Variants in MAD1L1 observed in about 807,000 individuals in gnomAD.
The protein encoded by MAD1L1 is mitotic arrest deficient 1 like 1.
A neutral mutation model predicts 96.9 loss-of-function variants in MAD1L1; 95 were observed. The observed-to-expected ratio is 0.98, with a 90% CI of 0.83 to 1.16. The LOEUF is 1.16. MAD1L1 is among the 50% of genes most tolerant of loss of function. The pLI, the probability that MAD1L1 is intolerant of heterozygous loss-of-function variation, is 0.00. For missense variants in MAD1L1, 1,007 were observed against 954.4 expected, an observed-to-expected ratio of 1.06 and a Z score of -0.73; for synonymous variants, 473 against 396.6, an observed-to-expected ratio of 1.19 and a Z score of -2.29.
chr7:2,019,274 G>A lies in MAD1L1; in HGVS notation c.1219-4632C>T, dbSNP rs143872533. On this transcript the variant is annotated intron_variant, in intron 12 of 18. Coordinates refer to ENST00000265854, the MANE Select transcript of MAD1L1 (RefSeq NM_001013836.2). ...CCCTGCTGGGACAGAGGCTGGGAGA[G>A]GCAGGAGGCCTCTCTCTGGAACCCT... Among the ~76,000 whole-genome samples the A allele has an allele frequency of 1.3e-3, 193 of 152,314 alleles. 1 individual carries two copies. The highest frequency in any genetic ancestry group is 4.3e-3 in the African/African-American group (180 of 41,572).
intron 14 of MAD1L1, among the ~76,000 whole-genome samples, chr7:1,988,370 C>G (rs1457204692): frequency 6.6e-6 from 1 of 152,332 alleles, no homozygotes; most frequent in Non-Finnish European, 1.5e-5. Context: ...ATCCCCACCA[C>G]AGGGACCTGA....
At chr7:1,981,959 G>A (rs927691532) in intron 14 of MAD1L1, among the ~76,000 whole-genome samples, 13 of 152,088 alleles carry the variant, frequency 8.5e-5, no homozygotes, top group Admixed American at 6.5e-5. Flanking sequence ...CAACAAACAC[G>A]GATGCCCATG....
chr7:1,844,849 G>A (rs918998854), intron 18 of MAD1L1, among the ~76,000 whole-genome samples: 17 of 136,954 alleles, frequency 1.2e-4, no homozygotes, highest in Admixed American at 1.0e-3. Flanking sequence ...GCACCTGAGC[G>A]TGTCCTCCTC....
At chr7:2,135,186 A>G (rs1788693494) in intron 11 of MAD1L1, among the ~76,000 whole-genome samples, 1 of 152,244 alleles carries the variant, frequency 6.6e-6, no homozygotes, top group African/African-American at 2.4e-5. Flanking sequence ...GGCTGAGCAG[A>G]ACCTGTGTGT....
intron 16 of MAD1L1, among the ~76,000 whole-genome samples, chr7:1,945,565 C>CAG (rs1779191820): frequency 6.6e-6 from 1 of 152,208 alleles, no homozygotes; most frequent in African/African-American, 2.4e-5. Flanking sequence ...AGAGGTGCTG[C>CAG]TGCTGCTGGG....
chr7:1,880,316 A>C (rs985041552), intron 18 of MAD1L1, among the ~76,000 whole-genome samples: 1 of 152,188 alleles, frequency 6.6e-6, no homozygotes, highest in Non-Finnish European at 1.5e-5. Flanking sequence ...AGCTTTGGGA[A>C]GCCCTGCACC....
In MAD1L1 at chr7:2,114,331, A is replaced by G. The variant is rs1368311196; in HGVS notation, c.1073+34821T>C. On this transcript the variant is annotated intron_variant, in intron 11 of 18. Transcript: ENST00000265854. This position sits in a 1 kb window ranked among gnomAD's most constrained non-coding sequence, Gnocchi z 4.2. ...CCCTGAGCCAGCCCACGGTCTGAGC[A>G]GGGAACCAGGGGGCCTTCCCTACAC... 6.6e-6 allele frequency among the ~76,000 whole-genome samples: 1 copy of G among 152,184 alleles called. No homozygotes were observed. The highest frequency in any genetic ancestry group is 1.5e-5 in the Non-Finnish European group (1 of 68,034).
intron 15 of MAD1L1, among the ~76,000 whole-genome samples, chr7:1,971,149 T>C (rs1780386459): frequency 6.6e-6 from 1 of 151,926 alleles, no homozygotes; most frequent in South Asian, 2.1e-4. Flanking sequence ...TAGAACTCGA[T>C]CAACGTGGAG....
intron 12 of MAD1L1, among the ~76,000 whole-genome samples, chr7:2,028,988 C>G (rs1293330875): frequency 1.3e-5 from 2 of 151,622 alleles, no homozygotes; most frequent in African/African-American, 4.8e-5. Flanking sequence ...GGAGTGAAAC[C>G]CTGGAACAAC....
chr7:2,165,756 T>C (rs1408110566), intron 10 of MAD1L1, among the ~76,000 whole-genome samples: 1 of 152,158 alleles, frequency 6.6e-6, no homozygotes, highest in Non-Finnish European at 1.5e-5. Flanking sequence ...AGGGAAAGAC[T>C]GACGGGCAAG....
intron 16 of MAD1L1, chr7:1,940,213 GA>G (rs1778883873): frequency 6.6e-6 from 1 of 152,250 alleles, no homozygotes; most frequent in South Asian, 2.1e-4. Context: ...GAGGGGAGGG[GA>G]AATCCACCCA....
At chr7:2,098,613 A>G (rs1376094570) in intron 11 of MAD1L1, among the ~76,000 whole-genome samples, 1 of 152,200 alleles carries the variant, frequency 6.6e-6, no homozygotes, top group Non-Finnish European at 1.5e-5. Flanking sequence ...CAGGGAGCAC[A>G]GCACGGCAGA....
intron 11 of MAD1L1, among the ~76,000 whole-genome samples, chr7:2,120,608 C>T (rs1371289308): frequency 1.3e-5 from 2 of 152,274 alleles, no homozygotes; most frequent in African/African-American, 4.8e-5. Flanking sequence ...CACCCAGAGG[C>T]TTCCTCAGAG....
intron 13 of MAD1L1, among the ~76,000 whole-genome samples, chr7:2,003,136 TG>T (rs1167945660): frequency 1.7e-4 from 2 of 11,932 alleles, no homozygotes; most frequent in African/African-American, 3.1e-4. Context: ...ATCTGCGGGG[TG>T]GAGGCCCAGC....
intron 11 of MAD1L1, among the ~76,000 whole-genome samples, chr7:2,123,237 G>A (rs936906937): frequency 1.3e-5 from 2 of 151,254 alleles, no homozygotes; most frequent in African/African-American, 4.9e-5. Flanking sequence ...CCCGGAAAGC[G>A]GAGCTTGCAG....
intron 11 of MAD1L1, among the ~76,000 whole-genome samples, chr7:2,081,973 T>G (rs1006105430): frequency 6.6e-6 from 1 of 151,984 alleles, no homozygotes; most frequent in Non-Finnish European, 1.5e-5. Context: ...CAGAGGAAAA[T>G]CTGATCATGG....
At chr7:1,881,435 G>A (rs113517428) in intron 18 of MAD1L1, among the ~76,000 whole-genome samples, 3,766 of 152,246 alleles carry the variant, frequency 0.025, 169 homozygotes, top group African/African-American at 0.086. Context: ...AATCTACGAG[G>A]ACCCTAATCT....
intron 10 of MAD1L1, among the ~76,000 whole-genome samples, chr7:2,167,202 G>C (rs1790472376): frequency 6.6e-6 from 1 of 152,154 alleles, no homozygotes; most frequent in Non-Finnish European, 1.5e-5. Context: ...GAAAACCAAG[G>C]GACTATGACT....
chr7:2,097,416 T>A (rs1031893757), intron 11 of MAD1L1, among the ~76,000 whole-genome samples: 1 of 151,952 alleles, frequency 6.6e-6, no homozygotes, highest in Admixed American at 6.5e-5. Context: ...CCGGGACACC[T>A]GGGGAGGGGG....
Sources: gnomAD v4.1 joint callset for allele counts (sites outside exome capture counted in the v4.1 genomes callset) on GRCh38, gnomAD v4.1.1 for gene constraint, Gnocchi (gnomAD v3.1) non-coding constraint, MANE v1.5 for transcripts, NCBI Gene and HGNC (gene_info 2026-07-23, HGNC 2026-07-21) for gene names.